Variants in PRKN observed in about 807,000 individuals in gnomAD.
The protein encoded by PRKN is parkin RBR E3 ubiquitin protein ligase, also known as E3 ubiquitin-protein ligase parkin.
Under a neutral mutation model 59.5 loss-of-function variants are expected in PRKN, and 56 were observed. The observed-to-expected ratio is 0.94, with a 90% CI of 0.76 to 1.18. The LOEUF (loss-of-function observed/expected upper bound fraction) is 1.18, where lower values mean the gene tolerates loss of function less well. Among genes scored for constraint, PRKN ranks in the 50% most tolerant of loss-of-function variants. PRKN has a pLI of 0.00. For synonymous variants in PRKN, 250 were observed against 222.1 expected (o/e 1.13, Z -1.12); for missense variants, 657 against 596.4 (o/e 1.10, Z -1.06).
intron 2 of PRKN, among the ~76,000 whole-genome samples, chr6:162,291,702 CT>C (rs1468281095): frequency 6.6e-6 from 1 of 152,132 alleles, no homozygotes; most frequent in African/African-American, 2.4e-5. Flanking sequence ...AACAGAGCCC[CT>C]TTTCATTTTT....
chr6:162,663,135 C>T (rs1040303847), intron 1 of PRKN, among the ~76,000 whole-genome samples: 4 of 152,164 alleles, frequency 2.6e-5, no homozygotes, highest in African/African-American at 9.7e-5. Flanking sequence ...GTCCTACATT[C>T]CTTATCAGCT....
intron 4 of PRKN, among the ~76,000 whole-genome samples, chr6:162,140,203 C>T (rs1461095586): frequency 6.6e-6 from 1 of 152,154 alleles, no homozygotes; most frequent in Non-Finnish European, 1.5e-5. Context: ...TCCAACTTCC[C>T]TTTTAGTTTC....
At chr6:162,649,546 T>C (rs999839797) in intron 1 of PRKN, among the ~76,000 whole-genome samples, 10 of 152,224 alleles carry the variant, frequency 6.6e-5, no homozygotes, top group South Asian at 2.1e-4. Context: ...TTAATCAAAG[T>C]TGAGGAACAG....
At chr6:161,624,304 T>G (rs1455900192) in intron 7 of PRKN, among the ~76,000 whole-genome samples, 1 of 152,220 alleles carries the variant, frequency 6.6e-6, no homozygotes, top group Non-Finnish European at 1.5e-5. Context: ...AAACGAGTCT[T>G]AAAACTTTCC....
At position 161,459,647 on chromosome 6, in the gene PRKN, C is replaced by G. The variant is rs148615673; in HGVS notation, c.1084-72770G>C. ...GCCCTAGAACTCCCTCACAAGCAAG[C>G]TATTTTCCCGTTTTTCTCATCGCTG... On this transcript the variant is annotated intron_variant, in intron 9 of 11. Transcript: ENST00000366898. The surrounding 1 kb of genome is among the most constrained non-coding windows in gnomAD (Gnocchi z 4.8). 1.2e-4 allele frequency among the ~76,000 whole-genome samples: 18 copies of G among 152,310 alleles called. No homozygotes were observed. The highest frequency in any genetic ancestry group is 4.1e-4 in the African/African-American group (17 of 41,570).
intron 5 of PRKN, among the ~76,000 whole-genome samples, chr6:162,051,000 A>G (rs2187197): frequency 0.42 from 63,107 of 151,712 alleles, 13,847 homozygotes; most frequent in Admixed American, 0.5. Context: ...TCACGAGGCA[A>G]GTCCCATATG....
rs1441189933 is a variant in PRKN at position 162,533,026 on chromosome 6, C to T, written c.8-89553G>A. On this transcript the variant is annotated intron_variant, in intron 1 of 11. Coordinates refer to ENST00000366898, the MANE Select transcript of PRKN (RefSeq NM_004562.3). Reference sequence around the variant, plus strand: ...ACATCTTCTGGCCCTAGGTGCTTATCGGCTGTACTGACGTGCTTCACATTT... The same window carrying T: ...ACATCTTCTGGCCCTAGGTGCTTATTGGCTGTACTGACGTGCTTCACATTT... Among the ~76,000 whole-genome samples, 5 of 152,180 alleles carry T rather than the reference C, an allele frequency of 3.3e-5. No homozygotes were observed. The East Asian group carries it at 5.8e-4, about 18-fold the overall frequency.
Position 161,356,548 on chromosome 6 carries a change from C to G in PRKN, c.1285+3540G>C, listed in dbSNP as rs1040659341. Among the ~76,000 whole-genome samples, 1 of 152,030 alleles carries G rather than the reference C, an allele frequency of 6.6e-6. No individual in the cohort carries two copies. The highest frequency in any genetic ancestry group is 1.5e-5 in the Non-Finnish European group (1 of 68,002). On this transcript the variant is annotated intron_variant, in intron 11 of 11. Coordinates refer to ENST00000366898, the MANE Select transcript of PRKN (RefSeq NM_004562.3). This position sits in a 1 kb window ranked among gnomAD's most constrained non-coding sequence, Gnocchi z 7.8. ...GGGAAGCTGTGCTTGGAAGAGGAGG[C>G]GGGCAAGCAGGGCACTGGCTGGGGA...
intron 8 of PRKN, among the ~76,000 whole-genome samples, chr6:161,564,106 C>T (rs1278765406): frequency 6.6e-6 from 1 of 152,124 alleles, no homozygotes; most frequent in Non-Finnish European, 1.5e-5. Context: ...TAACAGTTGC[C>T]TCAAGCATCC....
At chr6:162,510,446 T>G (rs1409337778) in intron 1 of PRKN, among the ~76,000 whole-genome samples, 1 of 152,158 alleles carries the variant, frequency 6.6e-6, no homozygotes, top group Non-Finnish European at 1.5e-5. Context: ...CTCTGTATTT[T>G]CTTGGCATGC....
At chr6:162,545,130 C>CA (rs532962764) in intron 1 of PRKN, among the ~76,000 whole-genome samples, 137 of 150,446 alleles carry the variant, frequency 9.1e-4, no homozygotes, top group African/African-American at 2.9e-3. Context: ...ACTAAAAATA[C>CA]AAAAAAAATG....
intron 4 of PRKN, among the ~76,000 whole-genome samples, chr6:162,058,782 G>A (rs1777970740): frequency 6.6e-6 from 1 of 151,486 alleles, no homozygotes; most frequent in Non-Finnish European, 1.5e-5. Context: ...GTGAAACCTT[G>A]TCTTTAATAA....
chr6:161,708,721 A>C (rs1012659090), intron 7 of PRKN, among the ~76,000 whole-genome samples: 3 of 152,212 alleles, frequency 2.0e-5, no homozygotes, highest in African/African-American at 7.2e-5. Context: ...GGAAAATATT[A>C]ATTTTATTAT....
intron 7 of PRKN, among the ~76,000 whole-genome samples, chr6:161,573,618 G>T (rs1488717503): frequency 6.7e-6 from 1 of 148,248 alleles, no homozygotes; most frequent in Non-Finnish European, 1.5e-5. Flanking sequence ...TACTCGGGAG[G>T]CTGAGGCAGG....
chr6:162,057,148 G>C (rs1239776273), intron 4 of PRKN, among the ~76,000 whole-genome samples: 1 of 151,934 alleles, frequency 6.6e-6, no homozygotes, highest in Admixed American at 6.6e-5. Context: ...GGAGGGTCGG[G>C]GCTCATCATT....
chr6:161,364,183 A>AG (rs1173092285), intron 10 of PRKN, among the ~76,000 whole-genome samples: 4 of 144,440 alleles, frequency 2.8e-5, no homozygotes, highest in Non-Finnish European at 4.4e-5. Flanking sequence ...AAAAAAAAAA[A>AG]AAAAGAAAAG....
At chr6:162,711,896 G>A (rs1246542676) in intron 1 of PRKN, among the ~76,000 whole-genome samples, 1 of 152,190 alleles carries the variant, frequency 6.6e-6, no homozygotes, top group Non-Finnish European at 1.5e-5. Flanking sequence ...GTCTTGCACC[G>A]TCTGAATTAA....
At chr6:162,112,269 G>T (rs892287549) in intron 4 of PRKN, among the ~76,000 whole-genome samples, 1 of 152,138 alleles carries the variant, frequency 6.6e-6, no homozygotes, top group Admixed American at 6.6e-5. Flanking sequence ...ACCTCTTCAT[G>T]TGGAAAATGA....
intron 2 of PRKN, among the ~76,000 whole-genome samples, chr6:162,436,310 A>G (rs910815825): frequency 1.3e-5 from 2 of 151,266 alleles, no homozygotes; most frequent in Non-Finnish European, 2.9e-5. Context: ...ACTAATGTTT[A>G]CTCTATAACC....
Sources: gnomAD v4.1 joint callset for allele counts (sites outside exome capture counted in the v4.1 genomes callset) on GRCh38, gnomAD v4.1.1 for gene constraint, Gnocchi (gnomAD v3.1) non-coding constraint, MANE v1.5 for transcripts, NCBI Gene and HGNC (gene_info 2026-07-23, HGNC 2026-07-21) for gene names.